Variants in PYY observed in about 807,000 individuals in gnomAD.
PYY encodes peptide tyrosine tyrosine.
PYY carries 12 observed loss-of-function variants against 10.3 expected under a neutral mutation model. The ratio of observed to expected loss-of-function variants is 1.17; its 90% CI spans 0.75 to 1.89. PYY has a LOEUF of 1.89. PYY is among the 40% of genes most tolerant of loss of function. PYY has a pLI of 0.00. For synonymous variants in PYY, 66 were observed against 62.0 expected (o/e 1.06, Z -0.30); for missense variants, 141 against 134.0 (o/e 1.05, Z -0.26).
intron 1 of PYY, among the ~76,000 whole-genome samples, chr17:44,002,758 G>A (rs911803005): frequency 1.3e-5 from 2 of 152,174 alleles, no homozygotes; most frequent in Non-Finnish European, 2.9e-5. Flanking sequence ...TTTCTCATCT[G>A]TAAAATGGGA....
chr17:43,987,437 A>C lies in PYY; in HGVS notation c.-463+16954T>G, dbSNP rs1053262865. ...CTTCAGCTACAAAAGGCATCTGGGC[A>C]GGGGAGACTCCCAGCCTCTCAGCCT... On this transcript the variant is annotated intron_variant, in intron 1 of 6. Transcript: ENST00000360085. This position sits in a 1 kb window ranked among gnomAD's most constrained non-coding sequence, Gnocchi z 4.0. Among the ~76,000 whole-genome samples the C allele has an allele frequency of 4.6e-5, 7 of 152,176 alleles. No homozygotes were observed. Among genetic ancestry groups the C allele is most frequent in the African/African-American group, 1.7e-4 (7 of 41,442 alleles).
At chr17:43,964,141 G>A (rs2048738595) in intron 2 of PYY, among the ~76,000 whole-genome samples, 1 of 152,214 alleles carries the variant, frequency 6.6e-6, no homozygotes, top group South Asian at 2.1e-4. Context: ...GAGCAGCTGG[G>A]ACTACAGGTG....
In PYY at chr17:43,953,501, G is replaced by C. The variant is rs776187294; in HGVS notation, c.1-18C>G. On this transcript the variant is annotated intron_variant, in intron 1 of 3. Transcript: ENST00000692052. ...AACACCATCTGGGAAGGCGACATTGGGACGTGGGTCATTCCAAGCCTCGAC... is the reference window on the plus strand; with the variant it reads ...AACACCATCTGGGAAGGCGACATTGCGACGTGGGTCATTCCAAGCCTCGAC... 1 of 1,570,602 alleles carries C rather than the reference G, an allele frequency of 6.4e-7. No homozygotes were observed. Among genetic ancestry groups the C allele is most frequent in the Non-Finnish European group, 8.6e-7 (1 of 1,156,502 alleles).
At chr17:43,956,491 G>C (rs1282444922), upstream of PYY, among the ~76,000 whole-genome samples, 1 of 152,122 alleles carries the variant, frequency 6.6e-6, no homozygotes, top group African/African-American at 2.4e-5. Flanking sequence ...TAGGGTGTGA[G>C]GGGGGAAACT....
chr17:43,990,798 T>G (rs901010870), intron 1 of PYY, among the ~76,000 whole-genome samples: 12 of 149,688 alleles, frequency 8.0e-5, no homozygotes, highest in African/African-American at 2.9e-4. Flanking sequence ...AATGTTGTTT[T>G]TTTTTTTTTT....
chr17:43,963,626 G>GAAAGAAAGAAAGAAAGAAAGAAAGAA (rs3080254), intron 2 of PYY, among the ~76,000 whole-genome samples: 9 of 82,030 alleles, frequency 1.1e-4, no homozygotes, highest in South Asian at 8.5e-4. Flanking sequence ...AAGAAAGAAA[G>GAAAGAAAGAAAGAAAGAAAGAAAGAA]AGAAAGAAAG....
intron 1 of PYY, among the ~76,000 whole-genome samples, chr17:43,993,127 A>G (rs2048968851): frequency 6.6e-6 from 1 of 152,188 alleles, no homozygotes; most frequent in Non-Finnish European, 1.5e-5. Flanking sequence ...CAGCCTAGTC[A>G]ACATGGCAAA....
At position 43,977,565 on chromosome 17, in the gene PYY, C is replaced by T. The variant is rs540440603; in HGVS notation, c.-462-11033G>A. Among the ~76,000 whole-genome samples, 149 of 152,206 alleles carry T rather than the reference C, an allele frequency of 9.8e-4. 3 individuals carry two copies. The highest frequency in any genetic ancestry group is 3.5e-3 in the African/African-American group (145 of 41,538). ...TGCAGTTCCTTGGCAGGTGCACCCC[C>T]GACTCTCCCTGCTCCATGCCCCTTT... On this transcript the variant is annotated intron_variant, in intron 1 of 6. Coordinates refer to the PYY transcript ENST00000360085.
At chr17:43,959,014 G>T (rs149421) in intron 2 of PYY, among the ~76,000 whole-genome samples, 1 of 152,180 alleles carries the variant, frequency 6.6e-6, no homozygotes, top group Non-Finnish European at 1.5e-5. Context: ...TAAAAATCTA[G>T]AAGTGTGCTA....
chr17:43,996,377 C>G (rs1253135262), intron 1 of PYY, among the ~76,000 whole-genome samples: 2 of 152,182 alleles, frequency 1.3e-5, no homozygotes, highest in Non-Finnish European at 2.9e-5. Flanking sequence ...AAACTCTGAA[C>G]TAGAACCACC....
At chr17:43,977,841 C>T (rs1255927941) in intron 1 of PYY, among the ~76,000 whole-genome samples, 14 of 152,102 alleles carry the variant, frequency 9.2e-5, no homozygotes, top group Admixed American at 7.9e-4. Context: ...GATTCTTAAA[C>T]GGGGTTCCTC....
chr17:43,976,179 A>ACATG (rs1301465473), intron 1 of PYY, among the ~76,000 whole-genome samples: 2 of 84,748 alleles, frequency 2.4e-5, no homozygotes, highest in African/African-American at 2.4e-4. Context: ...ATATATGTAT[A>ACATG]TATACGTATA....
intron 1 of PYY, among the ~76,000 whole-genome samples, chr17:43,996,077 A>G (rs1371246940): frequency 6.6e-6 from 1 of 152,188 alleles, no homozygotes; most frequent in Non-Finnish European, 1.5e-5. Flanking sequence ...CTTGTGACAC[A>G]CTTATAACCA....
chr17:43,966,201 A>C (rs1804677365), intron 2 of PYY: 1 of 152,900 alleles, frequency 6.5e-6, no homozygotes, highest in Admixed American at 6.5e-5. Flanking sequence ...ATATTATTTT[A>C]GTCTTCACAA....
chr17:43,984,881 G>A (rs926090913), intron 1 of PYY, among the ~76,000 whole-genome samples: 25 of 152,164 alleles, frequency 1.6e-4, no homozygotes, highest in Non-Finnish European at 3.1e-4. Context: ...CTGCCTGGTT[G>A]TATGAGATGG....
intron 1 of PYY, among the ~76,000 whole-genome samples, chr17:43,995,283 A>C (rs752491818): frequency 1.2e-4 from 19 of 152,188 alleles, no homozygotes; most frequent in Non-Finnish European, 2.2e-4. Flanking sequence ...GGGATATGCA[A>C]ATATTAAGTA....
At chr17:43,975,405 T>C (rs1312704590) in intron 1 of PYY, among the ~76,000 whole-genome samples, 2 of 152,086 alleles carry the variant, frequency 1.3e-5, no homozygotes, top group South Asian at 2.1e-4. Context: ...CAGGCTTCTT[T>C]TGGCAATTAA....
At chr17:43,984,703 C>A (rs2048905164) in intron 1 of PYY, among the ~76,000 whole-genome samples, 1 of 152,246 alleles carries the variant, frequency 6.6e-6, no homozygotes, top group African/African-American at 2.4e-5. Flanking sequence ...AGGGACGCAG[C>A]CTGGAAGGCC....
intron 1 of PYY, among the ~76,000 whole-genome samples, chr17:43,984,249 G>C (rs2048901812): frequency 6.6e-6 from 1 of 152,190 alleles, no homozygotes. Context: ...ATGTGGCCTC[G>C]GCCTGGCCGA....
Sources: gnomAD v4.1 joint callset for allele counts (sites outside exome capture counted in the v4.1 genomes callset) on GRCh38, gnomAD v4.1.1 for gene constraint, Gnocchi (gnomAD v3.1) non-coding constraint, MANE v1.5 for transcripts, NCBI Gene and HGNC (gene_info 2026-07-23, HGNC 2026-07-21) for gene names.